The following METAP1 variants were observed in gnomAD, a reference collection of about 807,000 sequenced individuals.
METAP1 encodes methionyl aminopeptidase 1, also known as methionine aminopeptidase 1.
A neutral mutation model predicts 53.8 loss-of-function variants in METAP1; 28 were observed. That is an observed-to-expected ratio of 0.52 (90% CI 0.39 to 0.71). The LOEUF (loss-of-function observed/expected upper bound fraction) is 0.71, where lower values mean the gene tolerates loss of function less well. Among genes scored for constraint, METAP1 ranks in the 30% least tolerant of loss-of-function variants. The probability of loss-of-function intolerance (pLI) is 0.00; values close to 1 mark genes in which losing one functional copy is unlikely to be tolerated. For missense variants in METAP1, 389 were observed against 479.8 expected, an observed-to-expected ratio of 0.81 and a Z score of 1.77; for synonymous variants, 181 against 165.7, an observed-to-expected ratio of 1.09 and a Z score of -0.71.
At chr4:99,042,440 C>T (rs7697978) in intron 6 of METAP1, among the ~76,000 whole-genome samples, 8 of 151,898 alleles carry the variant, frequency 5.3e-5, no homozygotes, top group Non-Finnish European at 7.4e-5. Context: ...ACAGAAATTA[C>T]GTATACTGTG....
chr4:99,059,255 T>C (rs1351581285), intron 10 of METAP1, among the ~76,000 whole-genome samples: 1 of 152,206 alleles, frequency 6.6e-6, no homozygotes, highest in Non-Finnish European at 1.5e-5. Context: ...TTCCTCAGAA[T>C]AGCCAAATAA....
At chr4:99,035,543 G>C in intron 4 of METAP1, 83 bp downstream of exon 4, 1 of 1,086,178 alleles carries the variant, frequency 9.2e-7, no homozygotes. Context: ...TTTTCTTGTA[G>C]AAATTTTTCA....
chr4:99,041,238 C>T, intron 6 of METAP1, 112 bp downstream of exon 6: 1 of 570,914 alleles, frequency 1.8e-6, no homozygotes, highest in Non-Finnish European at 2.9e-6. Flanking sequence ...TGGGTAAACT[C>T]ATTTGAAAGC....
intron 2 of METAP1, chr4:99,031,542 C>T: frequency 7.8e-7 from 1 of 1,288,954 alleles, no homozygotes; most frequent in South Asian, 1.2e-5. Flanking sequence ...AAACTGGCTC[C>T]ACCAAACTTT....
At position 99,028,876 on chromosome 4, in the gene METAP1, A is replaced by C; in HGVS notation, c.124A>C (p.Lys42Gln). Reference sequence around the variant, plus strand: ...TTTTTTGTTCTTTTAGGAATGTTTTAAAGGAAGTTGGGCTACTCACAAGTT... The same window carrying C: ...TTTTTTGTTCTTTTAGGAATGTTTTCAAGGAAGTTGGGCTACTCACAAGTT... Reference protein sequence around the residue: ...GSYFCSQECFKGSWATHKLLH... With the variant: ...GSYFCSQECFQGSWATHKLLH... The change falls in exon 2 of 11, where the codon AAA becomes CAA. Residue 42 changes from lysine to glutamine, a missense_variant. Transcript: ENST00000296411. 1 of 1,542,608 alleles carries C rather than the reference A, an allele frequency of 6.5e-7. No individual in the cohort carries two copies. The highest frequency in any genetic ancestry group is 8.8e-7 in the Non-Finnish European group (1 of 1,141,672).
At chr4:99,016,183 T>TA (rs1262237374) in intron 1 of METAP1, among the ~76,000 whole-genome samples, 2 of 152,138 alleles carry the variant, frequency 1.3e-5, no homozygotes, top group Non-Finnish European at 2.9e-5. Flanking sequence ...AGAGTCCAAA[T>TA]ATGTTATTTC....
intron 1 of METAP1, chr4:99,005,871 G>A (rs143280991): frequency 0.019 from 6,603 of 348,374 alleles, 77 homozygotes; most frequent in Non-Finnish European, 0.027. Flanking sequence ...TAAGCTGTGG[G>A]TACTCAAAGA....
At chr4:99,002,211 T>C (rs1276755437) in intron 1 of METAP1, among the ~76,000 whole-genome samples, 1 of 152,176 alleles carries the variant, frequency 6.6e-6, no homozygotes, top group Non-Finnish European at 1.5e-5. Context: ...CTCTAGATAT[T>C]CGGAAGAAAA....
chr4:99,026,469 C>T (rs2110325110), intron 1 of METAP1: 22 of 985,248 alleles, frequency 2.2e-5, no homozygotes, highest in Non-Finnish European at 2.4e-5. Context: ...CTTCTGAGGA[C>T]GTAGTTATAA....
intron 1 of METAP1, among the ~76,000 whole-genome samples, chr4:99,021,283 C>A (rs543978586): frequency 6.6e-6 from 1 of 152,218 alleles, no homozygotes; most frequent in African/African-American, 2.4e-5. Context: ...TACTTTGCCA[C>A]CCTCTAGCAG....
intron 1 of METAP1, among the ~76,000 whole-genome samples, chr4:98,997,653 TAGAA>T (rs776514544): frequency 6.7e-5 from 10 of 149,928 alleles, no homozygotes; most frequent in Middle Eastern, 3.2e-3. Flanking sequence ...ATGAAACAGG[TAGAA>T]AGAAGGTGAA....
chr4:99,027,255 G>A (rs1453871), intron 1 of METAP1, among the ~76,000 whole-genome samples: 65,566 of 152,040 alleles, frequency 0.43, 16,980 homozygotes, highest in South Asian at 0.67. Context: ...AGTGTGCATG[G>A]GGAAGAATCA....
chr4:98,996,748 C>T (rs1306724391), intron 1 of METAP1, among the ~76,000 whole-genome samples: 1 of 152,162 alleles, frequency 6.6e-6, no homozygotes, highest in Non-Finnish European at 1.5e-5. Flanking sequence ...GTTGCTGCTG[C>T]ATTTCGAGAC....
chr4:99,013,039 C>T (rs769206697), intron 1 of METAP1, among the ~76,000 whole-genome samples: 4 of 152,040 alleles, frequency 2.6e-5, no homozygotes, highest in East Asian at 1.9e-4. Flanking sequence ...CTATGCATCC[C>T]GTAAGTTTTG....
At chr4:99,034,184 C>A in intron 2 of METAP1, 46 bp from the exon 3 acceptor site, 1 of 1,148,628 alleles carries the variant, frequency 8.7e-7, no homozygotes, top group Non-Finnish European at 1.3e-6. Context: ...ACATTCCTTT[C>A]CCTCCTTCTC....
At chr4:99,009,567 T>G (rs1196752520) in intron 1 of METAP1, among the ~76,000 whole-genome samples, 1 of 152,186 alleles carries the variant, frequency 6.6e-6, no homozygotes, top group East Asian at 1.9e-4. Flanking sequence ...GTCATCCTAA[T>G]GGGTATGAGC....
intron 9 of METAP1, among the ~76,000 whole-genome samples, chr4:99,052,327 T>C (rs1726772430): frequency 6.6e-6 from 1 of 152,208 alleles, no homozygotes; most frequent in South Asian, 2.1e-4. Flanking sequence ...ATTCTCACAT[T>C]GTTAGAAATT....
intron 1 of METAP1, among the ~76,000 whole-genome samples, chr4:99,020,430 A>ATC: frequency 6.6e-6 from 1 of 152,222 alleles, no homozygotes; most frequent in East Asian, 1.9e-4. Context: ...ACATTGTTCT[A>ATC]TCTCTCTCTG....
chr4:99,057,341 A>G (rs1727227629), intron 9 of METAP1, among the ~76,000 whole-genome samples: 1 of 152,222 alleles, frequency 6.6e-6, no homozygotes, highest in Admixed American at 6.5e-5. Context: ...CATAATCTGA[A>G]ACATCTGTCA....
Sources: allele counts gnomAD v4.1 joint callset (sites outside exome capture counted in the v4.1 genomes callset), GRCh38; gene constraint gnomAD v4.1.1; transcripts MANE v1.5; gene names NCBI Gene and HGNC (gene_info 2026-07-23, HGNC 2026-07-21).